OSTN: variants seen among roughly 807,000 people sequenced by gnomAD.
The protein encoded by OSTN is osteocrin.
A neutral mutation model predicts 12.0 loss-of-function variants in OSTN; 9 were observed. The observed-to-expected ratio is 0.75, with a 90% CI of 0.45 to 1.30. OSTN has a LOEUF of 1.30. Ranked by LOEUF, OSTN falls within the 50% of genes most tolerant of loss-of-function variation. The pLI is 0.00. For missense variants in OSTN, 148 were observed against 152.3 expected (o/e 0.97, Z 0.15); for synonymous variants, 59 against 56.9 (o/e 1.04, Z -0.16).
In OSTN at chr3:191,263,009, G is replaced by A; in HGVS notation, c.*156G>A. On this transcript the variant is annotated 3_prime_UTR_variant, in exon 5 of 5. Coordinates refer to ENST00000682035, the MANE Select transcript of OSTN (RefSeq NM_198184.2). ...TTGAACTTCAGTCCATCACATTACA[G>A]CATTGTTACAGCTTCAATTAAATTG... 1.7e-6 allele frequency: 1 copy of A among 600,876 alleles called. No homozygotes were observed. The highest frequency in any genetic ancestry group is 3.0e-6 in the Non-Finnish European group (1 of 329,008). The allele number at this position is 600,876 out of a possible 1,614,324, so 37.2% of individuals were successfully genotyped here. A position where few individuals can be genotyped will look rare whatever the true frequency, so the allele number is the denominator to read the frequency against.
intron 4 of OSTN, among the ~76,000 whole-genome samples, chr3:191,257,664 AT>A (rs1715702536): frequency 6.6e-6 from 1 of 152,154 alleles, no homozygotes; most frequent in African/African-American, 2.4e-5. Context: ...TCAAGCAACA[AT>A]TTTTTGGCCA....
chr3:191,245,267 C>T (rs182256885), intron 3 of OSTN, among the ~76,000 whole-genome samples: 2 of 152,136 alleles, frequency 1.3e-5, no homozygotes, highest in East Asian at 1.9e-4. Flanking sequence ...ACTGTAGTAT[C>T]CCCAATGCAC....
At chr3:191,247,825 A>G (rs1346978790) in intron 3 of OSTN, among the ~76,000 whole-genome samples, 1 of 152,082 alleles carries the variant, frequency 6.6e-6, no homozygotes, top group Non-Finnish European at 1.5e-5. Context: ...CATATTCTCC[A>G]TACTTTCCCA....
At chr3:191,233,524 C>T (rs920240258) in intron 3 of OSTN, among the ~76,000 whole-genome samples, 5 of 152,106 alleles carry the variant, frequency 3.3e-5, no homozygotes, top group East Asian at 1.9e-4. Flanking sequence ...GCAACCTCCA[C>T]ATCCCGGGTT....
chr3:191,260,987 G>T (rs1715795680), intron 4 of OSTN, among the ~76,000 whole-genome samples: 1 of 152,164 alleles, frequency 6.6e-6, no homozygotes, highest in Admixed American at 6.5e-5. Context: ...GCAGAGGAAA[G>T]AGTGATTTTT....
intron 4 of OSTN, among the ~76,000 whole-genome samples, chr3:191,258,897 C>T (rs756002666): frequency 3.3e-5 from 5 of 152,324 alleles, no homozygotes; most frequent in Non-Finnish European, 5.9e-5. Flanking sequence ...CTAGCCATTA[C>T]ATACACTAAG....
chr3:191,232,010 A>G (rs1334136700), intron 3 of OSTN, among the ~76,000 whole-genome samples: 2 of 152,100 alleles, frequency 1.3e-5, no homozygotes, highest in South Asian at 2.1e-4. Context: ...ATTAATACCT[A>G]AAATAAGATG....
intron 4 of OSTN, among the ~76,000 whole-genome samples, chr3:191,262,189 C>T (rs1030177781): frequency 1.3e-5 from 2 of 152,138 alleles, no homozygotes; most frequent in Non-Finnish European, 2.9e-5. Context: ...CATTGCACTC[C>T]AGCCTGGGCA....
At chr3:191,246,109 T>C (rs1308025110) in intron 3 of OSTN, among the ~76,000 whole-genome samples, 3 of 151,908 alleles carry the variant, frequency 2.0e-5, no homozygotes, top group African/African-American at 7.3e-5. Flanking sequence ...ACGTATTATT[T>C]TTTCATGACA....
chr3:191,264,374 G>A lies in OSTN; in HGVS notation c.*1521G>A, dbSNP rs946653297. 6.6e-6 allele frequency: 1 copy of A among 152,188 alleles called. No individual in the cohort carries two copies. The allele number at this position is 152,188 out of a possible 1,614,324, so 9.4% of individuals were successfully genotyped here. A position where few individuals can be genotyped will look rare whatever the true frequency, so the allele number is the denominator to read the frequency against. On this transcript the variant is annotated 3_prime_UTR_variant, in exon 5 of 5. Coordinates refer to ENST00000682035, the MANE Select transcript of OSTN (RefSeq NM_198184.2). ...AAAAAGAGGTGAAAGAAATGAACAT[G>A]TGTACTTAGAATATATATATTGGTT...
intron 3 of OSTN, among the ~76,000 whole-genome samples, chr3:191,225,567 A>T (rs1225053399): frequency 2.0e-5 from 3 of 152,178 alleles, no homozygotes; most frequent in African/African-American, 4.8e-5. Context: ...AAAGTCATGG[A>T]ATCACCTAAG....
At chr3:191,212,448 CT>C in intron 1 of OSTN, 84 bp from the exon 2 acceptor site, 1 of 751,932 alleles carries the variant, frequency 1.3e-6, no homozygotes, top group Non-Finnish European at 2.0e-6. Context: ...TACCATTTGC[CT>C]CTAACAGTCC....
At chr3:191,243,578 A>G (rs1715367892) in intron 3 of OSTN, among the ~76,000 whole-genome samples, 1 of 152,176 alleles carries the variant, frequency 6.6e-6, no homozygotes, top group Admixed American at 6.5e-5. Context: ...GCTATGATTG[A>G]CAATATAAAT....
intron 3 of OSTN, among the ~76,000 whole-genome samples, chr3:191,226,578 G>C (rs1271642810): frequency 6.6e-6 from 1 of 152,080 alleles, no homozygotes; most frequent in Non-Finnish European, 1.5e-5. Context: ...TGATTACAAA[G>C]TTCATTTGAA....
chr3:191,223,251 A>G (rs1714816084), intron 3 of OSTN, among the ~76,000 whole-genome samples: 2 of 152,238 alleles, frequency 1.3e-5, no homozygotes, highest in South Asian at 4.1e-4. Context: ...ATTTTCACGT[A>G]TGAAAGCTAC....
chr3:191,252,389 A>G (rs1715579693), intron 4 of OSTN, among the ~76,000 whole-genome samples: 1 of 152,170 alleles, frequency 6.6e-6, no homozygotes, highest in Admixed American at 6.5e-5. Context: ...GAAGACTGAG[A>G]CCATAGAAAT....
intron 2 of OSTN, among the ~76,000 whole-genome samples, chr3:191,216,553 A>AT (rs34337612): frequency 0.35 from 52,698 of 152,064 alleles, 11,313 homozygotes; most frequent in African/African-American, 0.59. Context: ...TCTCCTTGTG[A>AT]TACATAAAAC....
In OSTN at chr3:191,214,460, A is replaced by AG. The variant is rs754076520; in HGVS notation, c.102+1826_102+1827insG. ...TCAAAAAAAAAAAAAAAAAAAAAAA[A>AG]AACAGCAACAAAAAACCACCACTGA... On this transcript the variant is annotated intron_variant, in intron 2 of 4. Transcript: ENST00000682035. Among the ~76,000 whole-genome samples the AG allele has an allele frequency of 3.8e-4, 54 of 140,942 alleles. 3 individuals carry two copies. Among genetic ancestry groups the AG allele is most frequent in the East Asian group, 1.8e-3 (8 of 4,490 alleles). The allele number at this position is 140,942 out of a possible 152,430, so 92.5% of individuals were successfully genotyped here.
chr3:191,245,358 TTTG>T (rs139769933), intron 3 of OSTN, among the ~76,000 whole-genome samples: 13,419 of 152,188 alleles, frequency 0.088, 1,561 homozygotes, highest in African/African-American at 0.27. Flanking sequence ...AACAAATAAG[TTTG>T]TTAAGTGAAT....
Sources: gnomAD v4.1 joint callset for allele counts (sites outside exome capture counted in the v4.1 genomes callset) on GRCh38, gnomAD v4.1.1 for gene constraint, MANE v1.5 for transcripts, NCBI Gene and HGNC (gene_info 2026-07-23, HGNC 2026-07-21) for gene names.